The following ROBO2 variants were observed in gnomAD, a reference collection of about 807,000 sequenced individuals.
The protein encoded by ROBO2 is roundabout guidance receptor 2, also known as roundabout homolog 2.
ROBO2 carries 53 observed loss-of-function variants against 160.8 expected under a neutral mutation model. The observed-to-expected ratio is 0.33, with a 90% confidence interval of 0.26 to 0.41. ROBO2 has a LOEUF of 0.41. Ranked by LOEUF, ROBO2 falls within the 10% of genes least tolerant of loss-of-function variation. The pLI, the probability that ROBO2 is intolerant of heterozygous loss-of-function variation, is 1.00. For synonymous variants in ROBO2, 664 were observed against 611.7 expected, an observed-to-expected ratio of 1.09 and a Z score of -1.26; for missense variants, 1,577 against 1,722.4, an observed-to-expected ratio of 0.92 and a Z score of 1.49.
chr3:77,377,526 A>T (rs2072853175), intron 2 of ROBO2, among the ~76,000 whole-genome samples: 1 of 152,212 alleles, frequency 6.6e-6, no homozygotes, highest in African/African-American at 2.4e-5. Flanking sequence ...ATTCTATTAC[A>T]TCTTGTATAC....
intron 2 of ROBO2, among the ~76,000 whole-genome samples, chr3:77,310,277 T>TA (rs1161818908): frequency 6.6e-6 from 1 of 151,964 alleles, no homozygotes; most frequent in Non-Finnish European, 1.5e-5. Flanking sequence ...TGATGGTATC[T>TA]AAAAAAAAGT....
At chr3:77,371,090 A>G (rs116546418) in intron 2 of ROBO2, among the ~76,000 whole-genome samples, 1 of 152,228 alleles carries the variant, frequency 6.6e-6, no homozygotes, top group East Asian at 1.9e-4. Context: ...TTTCTGGTTT[A>G]TATTGACAAT....
At chr3:77,411,283 T>C (rs1179983070) in intron 2 of ROBO2, among the ~76,000 whole-genome samples, 5 of 152,222 alleles carry the variant, frequency 3.3e-5, no homozygotes, top group Non-Finnish European at 5.9e-5. Flanking sequence ...GGTGAGGGCA[T>C]AAATTAATGA....
chr3:77,420,962 G>A (rs893612371), intron 2 of ROBO2, among the ~76,000 whole-genome samples: 7 of 152,188 alleles, frequency 4.6e-5, no homozygotes, highest in African/African-American at 1.4e-4. Flanking sequence ...ATTCCCATAA[G>A]TTTCCAACTC....
chr3:76,208,475 T>C (rs528743976), intron 2 of ROBO2, among the ~76,000 whole-genome samples: 70 of 152,174 alleles, frequency 4.6e-4, no homozygotes, highest in Non-Finnish European at 8.2e-4. Flanking sequence ...AATGTCAAGG[T>C]TCCCATAGGC....
chr3:76,108,050 A>T lies in ROBO2; in HGVS notation c.109+170448A>T, dbSNP rs544975754. Among the ~76,000 whole-genome samples the T allele has an allele frequency of 5.3e-3, 812 of 152,186 alleles. 11 individuals carry two copies. Among genetic ancestry groups the T allele is most frequent in the African/African-American group, 0.019 (787 of 41,544 alleles). The stretch of plus-strand genomic sequence containing the variant: ...TGGTACCTGTATTATATTAGAAAGA[A>T]TAGCATACTCTTTTTATTAGATGCT... On this transcript the variant is annotated intron_variant, in intron 2 of 26. Transcript: ENST00000487694.
At chr3:77,355,775 A>T (rs1203491525) in intron 2 of ROBO2, among the ~76,000 whole-genome samples, 1 of 152,216 alleles carries the variant, frequency 6.6e-6, no homozygotes, top group East Asian at 1.9e-4. Flanking sequence ...TTACAATATG[A>T]AAAAGTTAAA....
At chr3:77,204,350 T>C (rs1003220290) in intron 2 of ROBO2, among the ~76,000 whole-genome samples, 1 of 152,220 alleles carries the variant, frequency 6.6e-6, no homozygotes, top group East Asian at 1.9e-4. Context: ...GTTCACATTA[T>C]CCAAACTGTA....
chr3:77,261,722 C>G (rs1456101265), intron 2 of ROBO2, among the ~76,000 whole-genome samples: 3 of 151,000 alleles, frequency 2.0e-5, no homozygotes, highest in African/African-American at 4.9e-5. Flanking sequence ...ATCAATGCAA[C>G]TATGGCAAAA....
At chr3:76,250,948 G>A (rs1344790858) in intron 2 of ROBO2, among the ~76,000 whole-genome samples, 8 of 151,918 alleles carry the variant, frequency 5.3e-5, no homozygotes, top group Admixed American at 1.3e-4. Context: ...TGAATTATTA[G>A]AGCTGTGTAA....
chr3:77,645,081 T>C (rs1177845871), intron 25 of ROBO2, among the ~76,000 whole-genome samples, 177 bp downstream of exon 27: 1 of 152,238 alleles, frequency 6.6e-6, no homozygotes, highest in Non-Finnish European at 1.5e-5. Context: ...TTTATTGAAG[T>C]CCATTTTTAT....
chr3:77,090,417 G>C (rs954302904), intron 1 of ROBO2, among the ~76,000 whole-genome samples: 1 of 134,436 alleles, frequency 7.4e-6, no homozygotes, highest in Non-Finnish European at 1.5e-5. Flanking sequence ...GCAGTGGCGC[G>C]ATCTCGGCTC....
chr3:76,022,479 G>T (rs1336140136), intron 2 of ROBO2, among the ~76,000 whole-genome samples: 1 of 151,770 alleles, frequency 6.6e-6, no homozygotes. Context: ...CTTGAAAGTT[G>T]AAATTACTCC....
intron 2 of ROBO2, among the ~76,000 whole-genome samples, chr3:77,142,927 C>T (rs2076821031): frequency 1.3e-5 from 2 of 152,102 alleles, no homozygotes; most frequent in South Asian, 2.1e-4. Flanking sequence ...CTGCCCCTTC[C>T]TCAGCAGAAA....
At chr3:75,992,261 G>A (rs889649869) in intron 2 of ROBO2, among the ~76,000 whole-genome samples, 1 of 152,082 alleles carries the variant, frequency 6.6e-6, no homozygotes, top group African/African-American at 2.4e-5. Context: ...CAGAGGTTTA[G>A]GAGAAAAAAA....
At chr3:77,232,791 T>A in intron 2 of ROBO2, among the ~76,000 whole-genome samples, 1 of 152,210 alleles carries the variant, frequency 6.6e-6, no homozygotes, top group East Asian at 1.9e-4. Flanking sequence ...TAGATTAAAA[T>A]TAAAATATTT....
chr3:76,590,665 T>C (rs910348885), intron 2 of ROBO2, among the ~76,000 whole-genome samples: 2 of 152,172 alleles, frequency 1.3e-5, no homozygotes. Flanking sequence ...GATTAGTTCT[T>C]AGATCATAAT....
chr3:77,195,537 C>G (rs1333772976), intron 2 of ROBO2, among the ~76,000 whole-genome samples: 1 of 152,176 alleles, frequency 6.6e-6, no homozygotes. Context: ...TAAAGATTCT[C>G]TTCTTTTTAA....
chr3:76,688,634 A>G (rs779407958), intron 2 of ROBO2, among the ~76,000 whole-genome samples: 2 of 142,920 alleles, frequency 1.4e-5, no homozygotes, highest in Non-Finnish European at 3.0e-5. Flanking sequence ...TGTGCATGCA[A>G]GAAACCAAGA....
Sources: gnomAD v4.1 joint callset for allele counts (sites outside exome capture counted in the v4.1 genomes callset) on GRCh38, gnomAD v4.1.1 for gene constraint, MANE v1.5 for transcripts, NCBI Gene and HGNC (gene_info 2026-07-23, HGNC 2026-07-21) for gene names.